The following RRP36 variants were observed in gnomAD, a reference collection of about 807,000 sequenced individuals.
RRP36 encodes the protein ribosomal RNA processing 36, also known as ribosomal RNA processing protein 36 homolog.
RRP36 carries 44 observed loss-of-function variants against 39.8 expected under a neutral mutation model. That is an observed-to-expected ratio of 1.10 (90% CI 0.87 to 1.42). The LOEUF is 1.42. RRP36 is among the 40% of genes most tolerant of loss of function. RRP36 has a pLI of 0.00. For synonymous variants in RRP36, 124 were observed against 123.1 expected (o/e 1.01, Z -0.05); for missense variants, 316 against 322.4 (o/e 0.98, Z 0.15).
chr6:43,027,365 G>A lies in RRP36; in HGVS notation c.531G>A (p.Gln177=). 1 of 1,614,170 alleles carries A rather than the reference G, an allele frequency of 6.2e-7. No homozygotes were observed. Among genetic ancestry groups the A allele is most frequent in the Non-Finnish European group, 8.5e-7 (1 of 1,180,004 alleles). ...KLQQLLQRME[Q]QEMAQQERKQ... ...ATCTCATCTTTGCTCCTCAGGAGCA[G>A]CAAGAAATGGCACAGCAGGAACGAA... The change falls in exon 6 of 7, where the codon CAG becomes CAA. Residue 177 remains glutamine (Q), a synonymous_variant. Transcript: ENST00000244496.
chr6:43,025,225 C>G, intron 2 of RRP36, 38 bp from the exon 3 acceptor site: 1 of 1,613,478 alleles, frequency 6.2e-7, no homozygotes, highest in African/African-American at 1.3e-5. Context: ...TTGACCAACA[C>G]TGGAGTCCTC....
Position 43,027,403 on chromosome 6 carries a change from A to G in RRP36, c.569A>G (p.Glu190Gly). The G allele has an allele frequency of 6.2e-7, 1 of 1,614,220 alleles. No individual in the cohort carries two copies. The highest frequency in any genetic ancestry group is 8.5e-7 in the Non-Finnish European group (1 of 1,180,032). ...CAGCAGGAACGAAAGCAACAGCAGG[A>G]GCTGCACCTGGCCCTGAAGCAAGAA... The part of the protein sequence containing the change: ...MAQQERKQQQ[E>G]LHLALKQERR... The change falls in exon 6 of 7, where the codon GAG becomes GGG. Residue 190 changes from glutamate (E) to glycine (G), a missense_variant. Physicochemically the swap from Glu to Gly is moderately conservative, Grantham distance 98 (BLOSUM62 -2). Transcript: ENST00000244496.
At chr6:43,028,188 G>A (rs1400244670) in intron 6 of RRP36, among the ~76,000 whole-genome samples, 5 of 151,724 alleles carry the variant, frequency 3.3e-5, no homozygotes, top group African/African-American at 4.8e-5. Context: ...AAAATTAGCC[G>A]GGCCTGGTGG....
In RRP36 at chr6:43,029,308, G is replaced by C. The variant is rs746012779; in HGVS notation, c.*80G>C. 6.5e-7 allele frequency: 1 copy of C among 1,537,740 alleles called. No homozygotes were observed. Among genetic ancestry groups the C allele is most frequent in the Non-Finnish European group, 8.9e-7 (1 of 1,122,720 alleles). ...ACAGATTTGGCCACGGCTGGTTTCC[G>C]TTCAAGGGCAAGGATCACAGCTGCC... On this transcript the variant is annotated 3_prime_UTR_variant, in exon 7 of 7. Transcript: ENST00000244496.
intron 6 of RRP36, 118 bp downstream of exon 6, chr6:43,027,595 G>A: frequency 1.3e-6 from 1 of 791,992 alleles, no homozygotes; most frequent in Middle Eastern, 3.9e-4. Context: ...GGATCCCATG[G>A]TAACTTGGAG....
At chr6:43,028,098 T>G (rs958351246) in intron 6 of RRP36, among the ~76,000 whole-genome samples, 10 of 149,784 alleles carry the variant, frequency 6.7e-5, no homozygotes, top group South Asian at 2.1e-4. Context: ...GAGGCCAGTG[T>G]GGGGGGGTCA....
In RRP36 at chr6:43,026,996, G is replaced by A. The variant is rs1196775333; in HGVS notation, c.451-182G>A. 5 of 518,524 alleles carry A rather than the reference G, an allele frequency of 9.6e-6. No homozygotes were observed. The East Asian group carries it at 1.7e-4, about 18-fold the overall frequency. 32.1% of individuals were successfully genotyped at this position (518,524 alleles called of 1,614,324 possible). A position where few individuals can be genotyped will look rare whatever the true frequency, so the allele number is the denominator to read the frequency against. On this transcript the variant is annotated intron_variant, in intron 4 of 6. Coordinates refer to ENST00000244496, the MANE Select transcript of RRP36 (RefSeq NM_033112.4). ...CAGGGGAATTGCTTGAACCCAGGAGGCGGAGGTTGCAGTGAGCCAAGATCA... is the reference window on the plus strand; with the variant it reads ...CAGGGGAATTGCTTGAACCCAGGAGACGGAGGTTGCAGTGAGCCAAGATCA...
chr6:43,029,179 G>A lies in RRP36; in HGVS notation c.731G>A (p.Arg244Gln), dbSNP rs764334710. 1.1e-5 allele frequency: 18 copies of A among 1,614,090 alleles called. No homozygotes were observed. The Admixed American group carries it at 1.8e-4, about 16-fold the overall frequency. ...KLENFLSRKR[R>Q]RNAGKDRRHL... Reference sequence around the variant, plus strand: ...GAGAACTTCTTGAGTCGAAAGAGGCGACGAAATGCAGGCAAGGACAGGAGA... The same window carrying A: ...GAGAACTTCTTGAGTCGAAAGAGGCAACGAAATGCAGGCAAGGACAGGAGA... Residue 244 changes from arginine (R) to glutamine (Q), a missense_variant, in exon 7 of 7, where the codon CGA (arginine) becomes CAA (glutamine). By Grantham distance (43) the Arg-to-Gln change is conservative (BLOSUM62 1). Transcript: ENST00000244496.
chr6:43,029,087 T>C lies in RRP36; in HGVS notation c.644-5T>C, dbSNP rs1204525556. The C allele has an allele frequency of 6.2e-7, 1 of 1,613,944 alleles. No individual in the cohort carries two copies. Among genetic ancestry groups the C allele is most frequent in the East Asian group, 2.2e-5 (1 of 44,876 alleles). The stretch of plus-strand genomic sequence containing the variant: ...TCACCAACTTTCATTCTCCCTGTCA[T>C]TTAGCTGAGCAGCGCCAGTTGGCAC... On this transcript the variant is annotated splice_polypyrimidine_tract_variant and splice_region_variant and intron_variant, in intron 6 of 6. Transcript: ENST00000244496.
chr6:43,021,888 G>A, intron 1 of RRP36, 104 bp downstream of exon 1: 1 of 890,844 alleles, frequency 1.1e-6, no homozygotes, highest in Non-Finnish European at 1.5e-6. Flanking sequence ...TTCTCTAAGA[G>A]GCAGACGCTA....
intron 1 of RRP36, among the ~76,000 whole-genome samples, chr6:43,024,154 G>A (rs369073428): frequency 2.0e-3 from 297 of 152,060 alleles, no homozygotes; most frequent in African/African-American, 6.7e-3. Context: ...ACACCTGGAC[G>A]AGGGGTCGCA....
chr6:43,028,847 G>A (rs538430390), intron 6 of RRP36, among the ~76,000 whole-genome samples: 22 of 152,162 alleles, frequency 1.4e-4, no homozygotes, highest in East Asian at 3.9e-4. Context: ...CAGCTACTCC[G>A]GAGGCTGAGG....
Position 43,025,122 on chromosome 6 carries a change from G to C in RRP36, c.268G>C (p.Asp90His), listed in dbSNP as rs374211157. ...RPPIQNACVA[D>H]KHRPLEMSAK... ...ACCTATCCAAAATGCATGTGTTGCAGATAAGCACAGGTAAGCAAGGCTTGC... is the reference window on the plus strand; with the variant it reads ...ACCTATCCAAAATGCATGTGTTGCACATAAGCACAGGTAAGCAAGGCTTGC... Residue 90 changes from aspartate (D) to histidine (H), a missense_variant, in exon 2 of 7, where the codon GAT becomes CAT. Transcript: ENST00000244496. 2 of 1,614,228 alleles carry C rather than the reference G, an allele frequency of 1.2e-6. No homozygotes were observed. The highest frequency in any genetic ancestry group is 1.3e-5 in the African/African-American group (1 of 75,054).
At chr6:43,022,092 C>A (rs1762726988) in intron 1 of RRP36, among the ~76,000 whole-genome samples, 1 of 151,990 alleles carries the variant, frequency 6.6e-6, no homozygotes, top group Admixed American at 6.6e-5. Context: ...CAGCAGATTC[C>A]GTAGACTTTG....
In RRP36 at chr6:43,027,439, A is replaced by G; in HGVS notation, c.605A>G (p.Gln202Arg). The G allele has an allele frequency of 6.2e-7, 1 of 1,614,202 alleles. No individual in the cohort carries two copies. The highest frequency in any genetic ancestry group is 8.5e-7 in the Non-Finnish European group (1 of 1,180,028). ...GCCCTGAAGCAAGAACGTCGGGCTC[A>G]GGCCCAGCAGGGCCATCGGCCATAC... ...HLALKQERRA[Q>R]AQQGHRPYFL... Residue 202 changes from glutamine to arginine, a missense_variant, in exon 6 of 7, where the codon CAG becomes CGG. Physicochemically the swap from Gln to Arg is conservative, Grantham distance 43. Coordinates refer to ENST00000244496, the MANE Select transcript of RRP36 (RefSeq NM_033112.4).
chr6:43,025,654 G>C (rs935755297), intron 3 of RRP36, among the ~76,000 whole-genome samples: 2 of 149,328 alleles, frequency 1.3e-5, no homozygotes. Context: ...AATAGAGGCC[G>C]GGCGCAGTGG....
chr6:43,027,264 A>G lies in RRP36; in HGVS notation c.525+12A>G, dbSNP rs1762829804. 6.2e-7 allele frequency: 1 copy of G among 1,613,870 alleles called. No homozygotes were observed. The highest frequency in any genetic ancestry group is 8.5e-7 in the Non-Finnish European group (1 of 1,179,718). On this transcript the variant is annotated intron_variant, in intron 5 of 6. Coordinates refer to ENST00000244496, the MANE Select transcript of RRP36 (RefSeq NM_033112.4). The stretch of plus-strand genomic sequence containing the variant: ...TGCTTCAGCGAATGGTGAGTGGGTA[A>G]TAATTGTGGTGGGTAATGAAAGCAA...
chr6:43,023,875 G>A (rs938075806), intron 1 of RRP36, among the ~76,000 whole-genome samples: 38 of 140,722 alleles, frequency 2.7e-4, no homozygotes, highest in South Asian at 2.3e-4. Flanking sequence ...TTTTTTTTCC[G>A]AGATGGAGTC....
Position 43,021,670 on chromosome 6 carries a change from TACCGCGCCGGG to T in RRP36, c.17_27del (p.Tyr6CysfsTer38). On this transcript the variant is annotated frameshift_variant, in exon 1 of 7. Coordinates refer to ENST00000244496, the MANE Select transcript of RRP36 (RefSeq NM_033112.4). LOFTEE classifies it high-confidence loss of function. ...CTGCCAGCTGATGCCGGGAGCTAAC[TACCGCGCCGGG>T]GCCGGGGCCGGGGCCGGGGCCCGAC... is the stretch of plus-strand genomic sequence containing the variant. The T allele has an allele frequency of 7.9e-7, 1 of 1,257,968 alleles. No homozygotes were observed. The highest frequency in any genetic ancestry group is 1.8e-5 in the African/African-American group (1 of 55,092). The allele number at this position is 1,257,968 out of a possible 1,614,324, so 77.9% of individuals were successfully genotyped here.
Sources: gnomAD v4.1 joint callset for allele counts (sites outside exome capture counted in the v4.1 genomes callset) on GRCh38, gnomAD v4.1.1 for gene constraint, MANE v1.5 for transcripts, NCBI Gene and HGNC (gene_info 2026-07-23, HGNC 2026-07-21) for gene names.